Variants in ATRN observed in about 807,000 individuals in gnomAD.
The protein encoded by ATRN is attractin-2.
A neutral mutation model predicts 178.7 loss-of-function variants in ATRN; 54 were observed. The ratio of observed to expected loss-of-function variants is 0.30; its 90% confidence interval spans 0.24 to 0.38. ATRN has a LOEUF of 0.38. ATRN is among the 10% of genes least tolerant of loss of function. The pLI, the probability that ATRN is intolerant of heterozygous loss-of-function variation, is 1.00. For synonymous variants in ATRN, 636 were observed against 663.0 expected (o/e 0.96, Z 0.63); for missense variants, 1,443 against 1,815.1 (o/e 0.79, Z 3.73).
chr20:3,497,016 A>T (rs1268573007), intron 1 of ATRN, among the ~76,000 whole-genome samples: 2 of 151,902 alleles, frequency 1.3e-5, no homozygotes, highest in African/African-American at 2.4e-5. Flanking sequence ...TTTGCTTGGT[A>T]GATCTTCCAC....
At chr20:3,482,961 A>C (rs1215574248) in intron 1 of ATRN, among the ~76,000 whole-genome samples, 1 of 152,142 alleles carries the variant, frequency 6.6e-6, no homozygotes, top group Non-Finnish European at 1.5e-5. Flanking sequence ...AATTTTCTTC[A>C]TATTAATGTT....
At chr20:3,574,919 G>A (rs1365918477) in intron 12 of ATRN, among the ~76,000 whole-genome samples, 1 of 151,586 alleles carries the variant, frequency 6.6e-6, no homozygotes, top group Non-Finnish European at 1.5e-5. Context: ...CCATGTCCAC[G>A]AGATGGTTGA....
At chr20:3,521,540 A>C (rs1018538634) in intron 1 of ATRN, among the ~76,000 whole-genome samples, 3 of 152,240 alleles carry the variant, frequency 2.0e-5, no homozygotes, top group Non-Finnish European at 2.9e-5. Context: ...CAAATCCACA[A>C]TTATAGTTGC....
rs1414907925 is a variant in ATRN at position 3,576,930 on chromosome 20, C to T, written c.2286C>T (p.Cys762=). 3.1e-6 allele frequency: 5 copies of T among 1,614,020 alleles called. No homozygotes were observed. Among genetic ancestry groups the T allele is most frequent in the Non-Finnish European group, 4.2e-6 (5 of 1,180,030 alleles). The change falls in exon 14 of 29, where the codon TGC becomes TGT. Residue 762 remains cysteine (C), a synonymous_variant. Transcript: ENST00000262919. ...PMYYCNKKTS[C]RSCALDQNCQ... is the part of the protein sequence containing the mutation. ...ACTACTGTAACAAGAAGACCAGCTGCAGGAGCTGTGCCCTGGACCAGAACT... is the reference window on the plus strand; with the variant it reads ...ACTACTGTAACAAGAAGACCAGCTGTAGGAGCTGTGCCCTGGACCAGAACT...
chr20:3,611,424 A>C (rs1029260120), intron 24 of ATRN, among the ~76,000 whole-genome samples: 3 of 152,228 alleles, frequency 2.0e-5, no homozygotes, highest in Non-Finnish European at 2.9e-5. Context: ...GCAAATAATG[A>C]CATAAAAGAT....
intron 1 of ATRN, among the ~76,000 whole-genome samples, chr20:3,495,098 A>G (rs2084860592): frequency 1.3e-5 from 2 of 152,138 alleles, no homozygotes; most frequent in African/African-American, 4.8e-5. Context: ...AATGCTTAAT[A>G]TTTTACATTT....
chr20:3,629,331 T>G, intron 25 of ATRN: 1 of 982,600 alleles, frequency 1.0e-6, no homozygotes, highest in Non-Finnish European at 1.2e-6. Context: ...CAGCTTGCAC[T>G]CTTCTCTTCC....
In ATRN at chr20:3,565,426, A is replaced by G. The variant is rs1322063431; in HGVS notation, c.1865A>G (p.His622Arg). The change falls in exon 11 of 29, where the codon CAC becomes CGC. Residue 622 changes from histidine to arginine, a missense_variant. His to Arg is a conservative substitution (Grantham distance 29, BLOSUM62 0). Coordinates refer to ENST00000262919, the MANE Select transcript of ATRN (RefSeq NM_139321.3). ...AGATTTGGCCATTCAGCAGTCTTAC[A>G]CAACAGGTAATTGGAGAAGTGATTG... is the stretch of plus-strand genomic sequence containing the variant. ...VNRFGHSAVL[H>R]NSTMYVFGGF... is the part of the protein sequence containing the mutation. 2.0e-5 allele frequency: 32 copies of G among 1,612,486 alleles called. No homozygotes were observed. Among genetic ancestry groups the G allele is most frequent in the Non-Finnish European group, 2.7e-5 (32 of 1,178,648 alleles).
intron 23 of ATRN, among the ~76,000 whole-genome samples, chr20:3,602,534 C>T (rs1229718424): frequency 6.6e-6 from 1 of 152,158 alleles, no homozygotes; most frequent in East Asian, 1.9e-4. Flanking sequence ...GCCTTGTACA[C>T]GCCACTTACG....
chr20:3,618,082 A>T (rs1242089175), intron 24 of ATRN, among the ~76,000 whole-genome samples: 1 of 152,192 alleles, frequency 6.6e-6, no homozygotes, highest in East Asian at 1.9e-4. Context: ...CTGATCTTGT[A>T]GCTGTGTGTG....
At chr20:3,482,934 G>T (rs1054488528) in intron 1 of ATRN, among the ~76,000 whole-genome samples, 1 of 152,096 alleles carries the variant, frequency 6.6e-6, no homozygotes, top group African/African-American at 2.4e-5. Context: ...CTTTGTACTT[G>T]CAACCTGGTT....
At chr20:3,513,818 A>G (rs2085169743) in intron 1 of ATRN, among the ~76,000 whole-genome samples, 1 of 152,070 alleles carries the variant, frequency 6.6e-6, no homozygotes, top group African/African-American at 2.4e-5. Context: ...CGTCCCTTGT[A>G]AGTTGGATTC....
At chr20:3,535,511 A>T (rs2085517582) in intron 2 of ATRN, among the ~76,000 whole-genome samples, 175 bp downstream of exon 2, 1 of 151,676 alleles carries the variant, frequency 6.6e-6, no homozygotes, top group African/African-American at 2.4e-5. Flanking sequence ...TAAAAGTTTC[A>T]TGTTGATTTA....
At chr20:3,578,965 TG>T (rs1458644707) in intron 15 of ATRN, among the ~76,000 whole-genome samples, 193 bp downstream of exon 15, 1 of 152,140 alleles carries the variant, frequency 6.6e-6, no homozygotes, top group African/African-American at 2.4e-5. Flanking sequence ...TTTAATACTT[TG>T]TATATATAAG....
At chr20:3,509,040 A>G (rs921478004) in intron 1 of ATRN, among the ~76,000 whole-genome samples, 7 of 152,250 alleles carry the variant, frequency 4.6e-5, no homozygotes, top group Non-Finnish European at 1.0e-4. Flanking sequence ...TGGAATAATA[A>G]GAATATTTAA....
At chr20:3,574,465 T>G (rs775247303) in intron 12 of ATRN, among the ~76,000 whole-genome samples, 1 of 152,156 alleles carries the variant, frequency 6.6e-6, no homozygotes, top group Non-Finnish European at 1.5e-5. Context: ...CAGTGAGGCA[T>G]GAGTGTGCCA....
chr20:3,528,043 A>G (rs893334657), intron 1 of ATRN, among the ~76,000 whole-genome samples: 5 of 152,176 alleles, frequency 3.3e-5, no homozygotes. Flanking sequence ...TGTTCTGCAC[A>G]TGTATCCCAG....
At chr20:3,641,633 A>G (rs2087069759) in intron 27 of ATRN, among the ~76,000 whole-genome samples, 1 of 149,044 alleles carries the variant, frequency 6.7e-6, no homozygotes, top group Non-Finnish European at 1.5e-5. Flanking sequence ...GATCACCTGC[A>G]AAGGAATGAC....
At chr20:3,587,176 G>C (rs2086369911) in intron 18 of ATRN, among the ~76,000 whole-genome samples, 1 of 151,996 alleles carries the variant, frequency 6.6e-6, no homozygotes, top group Non-Finnish European at 1.5e-5. Flanking sequence ...CATTATATGG[G>C]TTTCTTTTCA....
Sources: allele counts gnomAD v4.1 joint callset (sites outside exome capture counted in the v4.1 genomes callset), GRCh38; gene constraint gnomAD v4.1.1; transcripts MANE v1.5; gene names NCBI Gene and HGNC (gene_info 2026-07-23, HGNC 2026-07-21).